The following GREB1L variants were observed in gnomAD, a reference collection of about 807,000 sequenced individuals.
GREB1L encodes GREB1-like protein.
GREB1L carries 17 observed loss-of-function variants against 200.8 expected under a neutral mutation model. That is an observed-to-expected ratio of 0.08 (90% CI 0.06 to 0.13). The LOEUF is 0.13. Ranked by LOEUF, GREB1L falls within the 10% of genes least tolerant of loss-of-function variation. The pLI, the probability that GREB1L is intolerant of heterozygous loss-of-function variation, is 1.00. For synonymous variants in GREB1L, 789 were observed against 893.0 expected, an observed-to-expected ratio of 0.88 and a Z score of 2.08; for missense variants, 1,657 against 2,367.7, an observed-to-expected ratio of 0.70 and a Z score of 6.23.
intron 7 of GREB1L, among the ~76,000 whole-genome samples, chr18:21,413,332 G>A (rs527823448): frequency 7.9e-5 from 12 of 152,162 alleles, no homozygotes; most frequent in South Asian, 2.1e-4. Context: ...TCATTCAACC[G>A]TCCCTAAGAT....
At chr18:21,385,404 T>A (rs2040498871) in intron 4 of GREB1L, among the ~76,000 whole-genome samples, 2 of 151,008 alleles carry the variant, frequency 1.3e-5, no homozygotes, top group South Asian at 4.2e-4. Context: ...TGATAAACCG[T>A]AAAGGAGTCA....
intron 2 of GREB1L, among the ~76,000 whole-genome samples, chr18:21,372,484 AT>A (rs1018828149): frequency 6.6e-6 from 1 of 151,316 alleles, no homozygotes; most frequent in Non-Finnish European, 1.5e-5. Context: ...GACACGAGAG[AT>A]TTTTTTTGCA....
chr18:21,354,079 G>T (rs755199365), intron 1 of GREB1L, among the ~76,000 whole-genome samples: 1 of 152,092 alleles, frequency 6.6e-6, no homozygotes, highest in Non-Finnish European at 1.5e-5. Flanking sequence ...GTGAGCCACT[G>T]TACCCAGCCT....
chr18:21,322,969 G>A (rs1004045602), intron 1 of GREB1L, among the ~76,000 whole-genome samples: 6 of 151,854 alleles, frequency 4.0e-5, no homozygotes, highest in Non-Finnish European at 8.8e-5. Flanking sequence ...ATAAAAGATT[G>A]TTAAGTTCAA....
chr18:21,301,246 A>G (rs2038612899), intron 1 of GREB1L, among the ~76,000 whole-genome samples: 1 of 152,192 alleles, frequency 6.6e-6, no homozygotes, highest in South Asian at 2.1e-4. Context: ...GAAGCTGACA[A>G]CAGGTTATTT....
chr18:21,419,267 C>T (rs540615689), intron 7 of GREB1L, among the ~76,000 whole-genome samples: 2 of 152,274 alleles, frequency 1.3e-5, no homozygotes, highest in Middle Eastern at 3.4e-3. Flanking sequence ...GCAAACATAA[C>T]TATAAAATTG....
intron 1 of GREB1L, among the ~76,000 whole-genome samples, chr18:21,311,190 G>A (rs538640341): frequency 6.6e-6 from 1 of 152,330 alleles, no homozygotes; most frequent in South Asian, 2.1e-4. Flanking sequence ...GAAAGAGCCA[G>A]TTATCAATGC....
At chr18:21,410,744 A>AAT (rs2030888297) in intron 7 of GREB1L, among the ~76,000 whole-genome samples, 2 of 151,952 alleles carry the variant, frequency 1.3e-5, no homozygotes, top group South Asian at 4.2e-4. Flanking sequence ...TAAAAAAAAA[A>AAT]GCCATAAATT....
intron 7 of GREB1L, among the ~76,000 whole-genome samples, chr18:21,424,654 T>C (rs1567998438): frequency 6.6e-6 from 1 of 152,164 alleles, no homozygotes; most frequent in Non-Finnish European, 1.5e-5. Flanking sequence ...TATCATGCAA[T>C]TCATCCATTA....
At chr18:21,393,787 C>A (rs576937313) in intron 4 of GREB1L, among the ~76,000 whole-genome samples, 15 of 152,112 alleles carry the variant, frequency 9.9e-5, no homozygotes, top group African/African-American at 3.6e-4. Flanking sequence ...GGACTTGAAC[C>A]GCAACCTTAA....
chr18:21,330,909 A>G (rs1288434432), intron 1 of GREB1L, among the ~76,000 whole-genome samples: 7 of 152,230 alleles, frequency 4.6e-5, no homozygotes, highest in Non-Finnish European at 1.0e-4. Flanking sequence ...TCACAACATT[A>G]TATAAGTATT....
intron 1 of GREB1L, among the ~76,000 whole-genome samples, chr18:21,289,770 A>G (rs1010443268): frequency 1.3e-5 from 2 of 152,188 alleles, no homozygotes; most frequent in African/African-American, 4.8e-5. Context: ...GCTTTAGGCA[A>G]TTAAATCAGA....
At chr18:21,263,673 A>G (rs2037923291) in intron 1 of GREB1L, among the ~76,000 whole-genome samples, 1 of 152,168 alleles carries the variant, frequency 6.6e-6, no homozygotes, top group South Asian at 2.1e-4. Flanking sequence ...TGCAAATTAC[A>G]TTTTAGGGTG....
At chr18:21,339,947 C>T (rs1400345233) in intron 1 of GREB1L, among the ~76,000 whole-genome samples, 2 of 152,206 alleles carry the variant, frequency 1.3e-5, no homozygotes, top group African/African-American at 2.4e-5. Context: ...TCCACCTCAC[C>T]TCTCTGGCAG....
At chr18:21,436,774 G>A (rs1482973258) in intron 7 of GREB1L, among the ~76,000 whole-genome samples, 3 of 150,558 alleles carry the variant, frequency 2.0e-5, no homozygotes, top group Admixed American at 6.6e-5. Context: ...ACACTGGTGC[G>A]ATCTCAGCTC....
At chr18:21,285,795 A>G (rs1246242829) in intron 1 of GREB1L, among the ~76,000 whole-genome samples, 1 of 152,238 alleles carries the variant, frequency 6.6e-6, no homozygotes, top group Non-Finnish European at 1.5e-5. Context: ...TTATCTAGCA[A>G]AATTCCAGTG....
intron 1 of GREB1L, among the ~76,000 whole-genome samples, chr18:21,323,246 C>G (rs1203160259): frequency 2.0e-5 from 3 of 151,898 alleles, no homozygotes; most frequent in African/African-American, 7.3e-5. Context: ...CGAGATTGCA[C>G]CATGTACCCC....
At chr18:21,391,766 C>T (rs1204451762) in intron 4 of GREB1L, among the ~76,000 whole-genome samples, 2 of 152,092 alleles carry the variant, frequency 1.3e-5, no homozygotes, top group Non-Finnish European at 2.9e-5. Context: ...GTGATAAGGA[C>T]TTGATTTTAA....
At chr18:21,424,097 C>T (rs1297324242) in intron 7 of GREB1L, among the ~76,000 whole-genome samples, 5 of 152,078 alleles carry the variant, frequency 3.3e-5, no homozygotes, top group Non-Finnish European at 7.4e-5. Flanking sequence ...CCACTAGAGC[C>T]TCTCCTGAAA....
Sources: gnomAD v4.1 joint callset for allele counts (sites outside exome capture counted in the v4.1 genomes callset) on GRCh38, gnomAD v4.1.1 for gene constraint, MANE v1.5 for transcripts, NCBI Gene and HGNC (gene_info 2026-07-23, HGNC 2026-07-21) for gene names.